Variants in ASS1 observed in about 807,000 individuals in gnomAD.
The protein encoded by ASS1 is argininosuccinate synthase.
A neutral mutation model predicts 60.5 loss-of-function variants in ASS1; 58 were observed. The observed-to-expected ratio is 0.96, with a 90% CI of 0.78 to 1.19. The LOEUF is 1.19. Ranked by LOEUF, ASS1 falls within the 50% of genes most tolerant of loss-of-function variation. ASS1 has a pLI of 0.00. For synonymous variants in ASS1, 200 were observed against 206.9 expected (o/e 0.97, Z 0.29); for missense variants, 454 against 547.3 (o/e 0.83, Z 1.70).
chr9:130,483,236 G>A (rs1846212767), intron 11 of ASS1, among the ~76,000 whole-genome samples: 1 of 151,852 alleles, frequency 6.6e-6, no homozygotes, highest in Non-Finnish European at 1.5e-5. Context: ...TTATATTGAG[G>A]GCAGAACAGA....
chr9:130,445,244 G>T (rs1306142517), intron 1 of ASS1: 2 of 87,816 alleles, frequency 2.3e-5, no homozygotes, highest in African/African-American at 1.7e-4. Context: ...GTCCCCGGGG[G>T]CGCGAGTCCC....
rs770561314 is a variant in ASS1, at chr9:130,489,730, C to T, written c.970+266C>T. 2.8e-4 allele frequency among the ~76,000 whole-genome samples: 42 copies of T among 152,360 alleles called. No individual in the cohort carries two copies. Among genetic ancestry groups the T allele is most frequent in the Non-Finnish European group, 4.3e-4 (29 of 68,028 alleles). On this transcript the variant is annotated intron_variant, in intron 12 of 14. Coordinates refer to ENST00000352480, the MANE Select transcript of ASS1 (RefSeq NM_054012.4). This position sits in a 1 kb window ranked among gnomAD's most constrained non-coding sequence, Gnocchi z 4.1. ...ACCGGCTTCCCAAGGTGTCCGGCAG[C>T]TTCCACCCCCTACAGTTTGCATGAC...
intron 14 of ASS1, among the ~76,000 whole-genome samples, chr9:130,500,392 G>A (rs890005012): frequency 3.9e-5 from 6 of 152,262 alleles, no homozygotes; most frequent in Admixed American, 1.3e-4. Context: ...AGCTGAGTCC[G>A]GAGGGCCTGT....
intron 4 of ASS1, 130 bp from the exon 5 acceptor site, chr9:130,463,981 A>C: frequency 3.2e-6 from 3 of 930,574 alleles, no homozygotes; most frequent in South Asian, 2.7e-5. Flanking sequence ...CCTACACTGC[A>C]TGACCTCACA....
At chr9:130,455,866 G>A (rs1588473972) in intron 3 of ASS1, among the ~76,000 whole-genome samples, 1 of 152,248 alleles carries the variant, frequency 6.6e-6, no homozygotes, top group South Asian at 2.1e-4. Context: ...AACACGGGAG[G>A]GAGTGGATGC....
chr9:130,451,737 G>GTGGGGGCT lies in ASS1; in HGVS notation c.-5-486_-5-479dup, dbSNP rs1220694819. 5 of 419,586 alleles carry GTGGGGGCT rather than the reference G, an allele frequency of 1.2e-5. No individual in the cohort carries two copies. The Admixed American group carries it at 1.3e-4, about 11-fold the overall frequency. 26.0% of individuals were successfully genotyped at this position (419,586 alleles called of 1,614,324 possible). ...ACAACTCCTACTTCATGAGGTTGTA[G>GTGGGGGCT]TGGGGGCTCAGGGGCACAGGGAGAT... is the stretch of plus-strand genomic sequence containing the variant. On this transcript the variant is annotated intron_variant, in intron 1 of 14. Transcript: ENST00000352480.
intron 11 of ASS1, among the ~76,000 whole-genome samples, chr9:130,484,539 G>A (rs1005389507): frequency 1.3e-5 from 2 of 151,920 alleles, no homozygotes; most frequent in Non-Finnish European, 2.9e-5. Flanking sequence ...CTGTAAACAC[G>A]GGGAGATGAA....
At chr9:130,493,023 T>C (rs952683544) in intron 12 of ASS1, among the ~76,000 whole-genome samples, 1 of 152,136 alleles carries the variant, frequency 6.6e-6, no homozygotes, top group African/African-American at 2.4e-5. Flanking sequence ...ATCTCCTGCC[T>C]GTCTTCCGGC....
chr9:130,499,456 G>A (rs1205455421), intron 13 of ASS1, 49 bp from the exon 14 acceptor site: 3 of 1,590,358 alleles, frequency 1.9e-6, no homozygotes, highest in Admixed American at 3.4e-5. Context: ...CTCCCTTCAA[G>A]CAGAGGCCAG....
chr9:130,452,358 T>C (rs749580972), intron 2 of ASS1, 25 bp downstream of exon 2: 1 of 1,594,368 alleles, frequency 6.3e-7, no homozygotes, highest in Admixed American at 1.7e-5. Flanking sequence ...TGGGTGTCTG[T>C]CTTCCTGCGT....
Position 130,499,533 on chromosome 9 carries a change from A to G in ASS1, c.1156A>G (p.Thr386Ala), listed in dbSNP as rs376164698. The change falls in exon 14 of 15, where the codon ACT (threonine) becomes GCT (alanine). Residue 386 changes from threonine to alanine, a missense_variant. By Grantham distance (58) the Thr-to-Ala change is moderately conservative (BLOSUM62 0). Coordinates refer to ENST00000352480, the MANE Select transcript of ASS1 (RefSeq NM_054012.4). ...GAACGTGCAGGGTGATTATGAGCCAACTGATGCCACCGGGTTCATCAACAT... is the reference window on the plus strand; with the variant it reads ...GAACGTGCAGGGTGATTATGAGCCAGCTGATGCCACCGGGTTCATCAACAT... ...SMNVQGDYEP[T>A]DATGFININS... 3.7e-6 allele frequency: 6 copies of G among 1,613,912 alleles called. No individual in the cohort carries two copies. Among genetic ancestry groups the G allele is most frequent in the Admixed American group, 1.7e-5 (1 of 60,006 alleles).
rs572425289 is a variant in ASS1, at chr9:130,470,924, C to T, written c.566+20C>T. On this transcript the variant is annotated intron_variant, in intron 7 of 14. Transcript: ENST00000352480. This position sits in a 1 kb window ranked among gnomAD's most constrained non-coding sequence, Gnocchi z 4.3. ...CATCAGGTAAATCCCACCCTCCACC[C>T]ATCCTTGGTCCTCCCGGGCTCATTC... The T allele has an allele frequency of 3.8e-4, 609 of 1,612,718 alleles. 4 individuals are homozygous for T. The South Asian group carries it at 6.4e-3, about 17-fold the overall frequency.
At chr9:130,450,942 C>T (rs182315118) in intron 1 of ASS1, among the ~76,000 whole-genome samples, 16 of 152,316 alleles carry the variant, frequency 1.1e-4, no homozygotes, top group South Asian at 4.1e-4. Flanking sequence ...TTGGGAAATG[C>T]GGGATGCTGG....
At chr9:130,483,327 G>C (rs1317547877) in intron 11 of ASS1, among the ~76,000 whole-genome samples, 1 of 132,902 alleles carries the variant, frequency 7.5e-6, no homozygotes, top group Admixed American at 8.3e-5. Context: ...ATTGAAATTC[G>C]TTAAGGGCTG....
chr9:130,495,132 A>C (rs1340624013), intron 13 of ASS1, 109 bp downstream of exon 13: 1 of 1,418,658 alleles, frequency 7.0e-7, no homozygotes, highest in Non-Finnish European at 9.6e-7. Flanking sequence ...CATGCAGAGC[A>C]CAGAGTGATG....
intron 13 of ASS1, among the ~76,000 whole-genome samples, chr9:130,498,739 T>G (rs1846664122): frequency 6.6e-6 from 1 of 152,208 alleles, no homozygotes. Flanking sequence ...CTGGGCTCTC[T>G]GGTGGCGGGT....
chr9:130,454,525 C>T, intron 3 of ASS1, 152 bp downstream of exon 3: 1 of 917,138 alleles, frequency 1.1e-6, no homozygotes, highest in Non-Finnish European at 1.7e-6. Context: ...TGTGTGAACC[C>T]TCTTGTTTTT....
At chr9:130,472,542 C>A (rs551430780) in intron 8 of ASS1, among the ~76,000 whole-genome samples, 1 of 152,154 alleles carries the variant, frequency 6.6e-6, no homozygotes, top group African/African-American at 2.4e-5. Flanking sequence ...CTGCTCAGGG[C>A]GAGGGAACGG....
chr9:130,494,943 G>T lies in ASS1; in HGVS notation c.1047G>T (p.Val349=), dbSNP rs376502913. The T allele has an allele frequency of 4.5e-5, 73 of 1,613,476 alleles. No homozygotes were observed. Among genetic ancestry groups the T allele is most frequent in the Non-Finnish European group, 5.9e-5 (70 of 1,179,990 alleles). Residue 349 remains valine, a synonymous_variant, in exon 13 of 15, where the codon GTG becomes GTT. Coordinates refer to ENST00000352480, the MANE Select transcript of ASS1 (RefSeq NM_054012.4). This position sits in a 1 kb window ranked among gnomAD's most constrained non-coding sequence, Gnocchi z 4.3. ...AKSQERVEGK[V]QVSVLKGQVY... is the part of the protein sequence containing the mutation. ...CCCAGGAGCGAGTGGAAGGGAAAGTGCAGGTGTCCGTCCTCAAGGGCCAGG... is the reference window on the plus strand; with the variant it reads ...CCCAGGAGCGAGTGGAAGGGAAAGTTCAGGTGTCCGTCCTCAAGGGCCAGG...
Sources: allele counts gnomAD v4.1 joint callset (sites outside exome capture counted in the v4.1 genomes callset), GRCh38; gene constraint gnomAD v4.1.1; non-coding constraint Gnocchi (gnomAD v3.1); transcripts MANE v1.5; gene names NCBI Gene and HGNC (gene_info 2026-07-23, HGNC 2026-07-21).